The following BBS4 variants were observed in gnomAD, a reference collection of about 807,000 sequenced individuals.
BBS4 encodes BBSome complex member BBS4.
A neutral mutation model predicts 71.4 loss-of-function variants in BBS4; 58 were observed. That is an observed-to-expected ratio of 0.81 (90% CI 0.66 to 1.01). BBS4 has a LOEUF of 1.01. Ranked by LOEUF, BBS4 falls within the 50% of genes least tolerant of loss-of-function variation. BBS4 has a pLI of 0.00. For missense variants in BBS4, 660 were observed against 607.9 expected, an observed-to-expected ratio of 1.09 and a Z score of -0.90; for synonymous variants, 228 against 216.8, an observed-to-expected ratio of 1.05 and a Z score of -0.46.
At chr15:72,735,665 C>G (rs2065906849) in intron 13 of BBS4, 160 bp from the exon 14 acceptor site, 1 of 921,576 alleles carries the variant, frequency 1.1e-6, no homozygotes, top group Non-Finnish European at 1.7e-6. Flanking sequence ...CTCCTTGATT[C>G]TTCTCCACAG....
chr15:72,727,347 C>T lies in BBS4; in HGVS notation c.588-593C>T, dbSNP rs1197462316. ...ACTAGTGAGGGATTGAGCAGGCAATCCCTGATGTGAGTATTTTACTTACAT... is the reference window on the plus strand; with the variant it reads ...ACTAGTGAGGGATTGAGCAGGCAATTCCTGATGTGAGTATTTTACTTACAT... On this transcript the variant is annotated intron_variant, in intron 8 of 15. Transcript: ENST00000268057. Among the ~76,000 whole-genome samples, 6 of 152,176 alleles carry T rather than the reference C, an allele frequency of 3.9e-5. No homozygotes were observed. The East Asian group carries it at 1.2e-3, about 29-fold the overall frequency.
At chr15:72,724,791 G>A in intron 8 of BBS4, 136 bp downstream of exon 8, 1 of 1,165,302 alleles carries the variant, frequency 8.6e-7, no homozygotes. Flanking sequence ...TGAAGTTTAA[G>A]AGCTCCCAGT....
chr15:72,725,866 TTTCCCCA>T (rs1171417239), intron 8 of BBS4, among the ~76,000 whole-genome samples: 75 of 1,720 alleles, frequency 0.044, 16 homozygotes, highest in African/African-American at 0.15. Flanking sequence ...CCCATCCCCC[TTTCCCCA>T]TCCCCCTTTC....
At chr15:72,702,423 AAGAG>A (rs1170717691) in intron 2 of BBS4, among the ~76,000 whole-genome samples, 1 of 152,172 alleles carries the variant, frequency 6.6e-6, no homozygotes, top group Non-Finnish European at 1.5e-5. Context: ...GTGGAATAAT[AAGAG>A]AGAAAAACTT....
chr15:72,710,195 G>GTTTTTTT (rs66684005), intron 3 of BBS4, among the ~76,000 whole-genome samples: 4 of 103,440 alleles, frequency 3.9e-5, no homozygotes, highest in Admixed American at 1.2e-4. Flanking sequence ...ATTTTGTCGA[G>GTTTTTTT]TTTTTTTTTT....
At chr15:72,728,061 G>A (rs1261996360) in intron 9 of BBS4, 67 bp downstream of exon 9, 4 of 1,131,014 alleles carry the variant, frequency 3.5e-6, no homozygotes, top group Non-Finnish European at 5.4e-6. Flanking sequence ...TGTGTATGGT[G>A]GTTTTCCTGC....
intron 12 of BBS4, 109 bp from the exon 13 acceptor site, chr15:72,735,004 A>G (rs2151053222): frequency 1.3e-6 from 1 of 777,212 alleles, no homozygotes; most frequent in East Asian, 2.6e-5. Context: ...GACTTAGTAA[A>G]CTCTGGTGCC....
chr15:72,696,854 G>A (rs181139783), intron 2 of BBS4, among the ~76,000 whole-genome samples: 63 of 152,262 alleles, frequency 4.1e-4, no homozygotes, highest in African/African-American at 1.5e-3. Flanking sequence ...GCCTCCTGAA[G>A]TACTGGCATT....
chr15:72,686,454 T>A (rs945737405), intron 1 of BBS4: 3 of 1,532,286 alleles, frequency 2.0e-6, no homozygotes, highest in South Asian at 1.2e-5. Flanking sequence ...GCACAGGTCC[T>A]GTTCTAGGAC....
intron 1 of BBS4, among the ~76,000 whole-genome samples, chr15:72,688,028 CAG>C (rs1040286873): frequency 6.8e-5 from 8 of 117,050 alleles, no homozygotes; most frequent in Non-Finnish European, 1.4e-4. Context: ...GCCTGGGTGA[CAG>C]AGCAAGACTC....
chr15:72,696,358 A>G (rs1026030130), intron 2 of BBS4, among the ~76,000 whole-genome samples: 11 of 152,216 alleles, frequency 7.2e-5, no homozygotes, highest in Non-Finnish European at 1.0e-4. Context: ...TGGTATCAAC[A>G]TATAATTTTC....
At chr15:72,712,542 G>T (rs918292773) in intron 4 of BBS4, among the ~76,000 whole-genome samples, 2 of 152,226 alleles carry the variant, frequency 1.3e-5, no homozygotes, top group African/African-American at 2.4e-5. Context: ...GATATAGTCT[G>T]TTGCTCCCAG....
At chr15:72,709,414 C>T (rs780105662) in intron 2 of BBS4, among the ~76,000 whole-genome samples, 31 of 152,082 alleles carry the variant, frequency 2.0e-4, no homozygotes, top group Admixed American at 6.6e-4. Context: ...TGAGAAGAGA[C>T]GAAGGATGAT....
At chr15:72,737,386 A>G (rs1215242033) in intron 15 of BBS4, 92 bp from the exon 16 acceptor site, 17 of 1,105,504 alleles carry the variant, frequency 1.5e-5, no homozygotes, top group Admixed American at 8.0e-5. Context: ...TCCAGAAAAT[A>G]TGGGGTTTCC....
intron 6 of BBS4, chr15:72,717,239 T>G (rs1410139009): frequency 5.1e-6 from 1 of 194,594 alleles, no homozygotes; most frequent in Non-Finnish European, 1.1e-5. Context: ...ACCCTTGCCT[T>G]TCTTTGGGTC....
Position 72,735,808 on chromosome 15 carries a change from A to G in BBS4, c.1107-17A>G. ...GTTGCAGAGCCCCCAGCTCCATAGAATCTCTGTCTGCCACAGGTGTAACCC... is the reference window on the plus strand; with the variant it reads ...GTTGCAGAGCCCCCAGCTCCATAGAGTCTCTGTCTGCCACAGGTGTAACCC... On this transcript the variant is annotated splice_polypyrimidine_tract_variant and intron_variant, in intron 13 of 15. Transcript: ENST00000268057. The G allele has an allele frequency of 3.1e-6, 5 of 1,614,130 alleles. No individual in the cohort carries two copies. The South Asian group carries it at 4.4e-5, about 14-fold the overall frequency.
At chr15:72,692,971 C>A (rs2065014003) in intron 1 of BBS4, among the ~76,000 whole-genome samples, 1 of 151,996 alleles carries the variant, frequency 6.6e-6, no homozygotes, top group African/African-American at 2.4e-5. Context: ...ACTGAATTTC[C>A]ATCTGTTACC....
At chr15:72,726,118 T>C (rs1303142899) in intron 8 of BBS4, among the ~76,000 whole-genome samples, 1 of 145,340 alleles carries the variant, frequency 6.9e-6, no homozygotes, top group African/African-American at 2.7e-5. Flanking sequence ...TTTCTTTCCT[T>C]CCTTTCATTT....
rs1409469685 is a variant in BBS4, at chr15:72,738,400, T to C, written c.*813T>C. On this transcript the variant is annotated 3_prime_UTR_variant, in exon 16 of 16. Transcript: ENST00000268057. The stretch of plus-strand genomic sequence containing the variant: ...TCCTTTTTAGAATAAAGATTACATA[T>C]CATCATTCCTTTGGGGAAAATTGTT... The C allele has an allele frequency of 2.5e-6, 1 of 405,788 alleles. No homozygotes were observed. Among genetic ancestry groups the C allele is most frequent in the Admixed American group, 3.1e-5 (1 of 32,378 alleles). 25.1% of individuals were successfully genotyped at this position (405,788 alleles called of 1,614,324 possible).
Sources: gnomAD v4.1 joint callset for allele counts (sites outside exome capture counted in the v4.1 genomes callset) on GRCh38, gnomAD v4.1.1 for gene constraint, MANE v1.5 for transcripts, NCBI Gene and HGNC (gene_info 2026-07-23, HGNC 2026-07-21) for gene names.